The following PTPRN2 variants were observed in gnomAD, a reference collection of about 807,000 sequenced individuals.
The protein encoded by PTPRN2 is protein tyrosine phosphatase receptor type N2, also known as receptor-type tyrosine-protein phosphatase N2.
PTPRN2 carries 74 observed loss-of-function variants against 118.8 expected under a neutral mutation model. The observed-to-expected ratio is 0.62, with a 90% CI of 0.52 to 0.76. The LOEUF is 0.76. Among genes scored for constraint, PTPRN2 ranks in the 30% least tolerant of loss-of-function variants. PTPRN2 has a pLI of 0.00. For synonymous variants in PTPRN2, 641 were observed against 608.0 expected (o/e 1.05, Z -0.80); for missense variants, 1,481 against 1,394.4 (o/e 1.06, Z -0.99).
At chr7:158,216,209 A>G (rs1310287620) in intron 3 of PTPRN2, among the ~76,000 whole-genome samples, 1 of 152,206 alleles carries the variant, frequency 6.6e-6, no homozygotes, top group African/African-American at 2.4e-5. Context: ...AGAACAATAA[A>G]TAAAAGAAAG....
At chr7:157,943,499 C>T (rs1204854675) in intron 11 of PTPRN2, among the ~76,000 whole-genome samples, 1 of 152,124 alleles carries the variant, frequency 6.6e-6, no homozygotes, top group African/African-American at 2.4e-5. Flanking sequence ...CCCCCACCTC[C>T]GCCCCATCCC....
intron 2 of PTPRN2, among the ~76,000 whole-genome samples, chr7:158,404,091 C>G (rs1387587176): frequency 1.3e-5 from 2 of 152,190 alleles, no homozygotes; most frequent in Non-Finnish European, 2.9e-5. Context: ...AGCCTCTGGA[C>G]TTTCTATAAT....
intron 11 of PTPRN2, among the ~76,000 whole-genome samples, chr7:157,948,786 T>C (rs576340252): frequency 1.3e-5 from 2 of 152,332 alleles, no homozygotes; most frequent in African/African-American, 4.8e-5. Flanking sequence ...TAAATGCCCA[T>C]TGAAGTATTT....
chr7:158,330,796 C>G (rs1804216910), intron 2 of PTPRN2, among the ~76,000 whole-genome samples: 1 of 114,664 alleles, frequency 8.7e-6, no homozygotes. Flanking sequence ...CACACCCACA[C>G]TCTCACCATA....
rs142631022 is a variant in PTPRN2, at chr7:157,578,114, C to T, written c.2523G>A (p.Val841=). 6.2e-7 allele frequency: 1 copy of T among 1,612,642 alleles called. No individual in the cohort carries two copies. Among genetic ancestry groups the T allele is most frequent in the African/African-American group, 1.3e-5 (1 of 74,926 alleles). Residue 841 remains valine, a synonymous_variant, in exon 18 of 23, where the codon GTG becomes GTA. Coordinates refer to ENST00000389418, the MANE Select transcript of PTPRN2 (RefSeq NM_002847.5). ...CCGCGAGGGGTGTCAGCATGACGAT[C>T]ACCACGCAGCCGCTCTCCCACACCA... is the stretch of plus-strand genomic sequence containing the variant. ...WQMVWESGCV[V]IVMLTPLAEN...
chr7:158,576,067 T>C (rs1211093457), intron 1 of PTPRN2, among the ~76,000 whole-genome samples: 1 of 152,140 alleles, frequency 6.6e-6, no homozygotes, highest in African/African-American at 2.4e-5. Flanking sequence ...CCCCATTCCA[T>C]ATGCTGTCAA....
At position 158,440,558 on chromosome 7, in the gene PTPRN2, C is replaced by T. The variant is rs372094968; in HGVS notation, c.163+49177G>A. On this transcript the variant is annotated intron_variant, in intron 2 of 22. Coordinates refer to ENST00000389418, the MANE Select transcript of PTPRN2 (RefSeq NM_002847.5). ...ATGATGGTGGTGGTGGCAGTGGCGG[C>T]GGTGGTGGTGATAATGATAGTGGTA... is the stretch of plus-strand genomic sequence containing the variant. 3.3e-4 allele frequency among the ~76,000 whole-genome samples: 47 copies of T among 142,422 alleles called. No individual in the cohort carries two copies. In the East Asian group the frequency reaches 6.1e-3, roughly 18 times the overall value. 93.4% of individuals were successfully genotyped at this position (142,422 alleles called of 152,430 possible). A position where few individuals can be genotyped will look rare whatever the true frequency, so the allele number is the denominator to read the frequency against.
intron 2 of PTPRN2, among the ~76,000 whole-genome samples, chr7:158,402,278 G>A (rs1813003735): frequency 6.6e-6 from 1 of 152,126 alleles, no homozygotes. Flanking sequence ...ACGGCACTAG[G>A]AGGCACATGC....
intron 2 of PTPRN2, among the ~76,000 whole-genome samples, chr7:158,353,670 C>G (rs918713831): frequency 1.3e-5 from 2 of 152,172 alleles, no homozygotes; most frequent in African/African-American, 4.8e-5. Context: ...CCACCAGGAA[C>G]AGAAAAACCC....
chr7:157,944,339 G>T lies in PTPRN2; in HGVS notation c.1724-45602C>A, dbSNP rs1028644361. Among the ~76,000 whole-genome samples, 4 of 152,296 alleles carry T rather than the reference G, an allele frequency of 2.6e-5. No individual in the cohort carries two copies. In the East Asian group the frequency reaches 7.7e-4, roughly 29 times the overall value. On this transcript the variant is annotated intron_variant, in intron 11 of 22. Transcript: ENST00000389418. The surrounding 1 kb of genome is among the most constrained non-coding windows in gnomAD (Gnocchi z 4.3). ...CAGTGGAGCCCACCACCCAAGCGGG[G>T]GCGGTACCACTCCCACCACTGACTG...
At chr7:157,722,606 C>T (rs560340100) in intron 12 of PTPRN2, among the ~76,000 whole-genome samples, 2 of 152,278 alleles carry the variant, frequency 1.3e-5, no homozygotes, top group African/African-American at 4.8e-5. Context: ...TCCTGCGTGG[C>T]CCGAGTGTGG....
chr7:157,689,844 C>T (rs1232016034), intron 12 of PTPRN2, among the ~76,000 whole-genome samples: 1 of 151,996 alleles, frequency 6.6e-6, no homozygotes, highest in Non-Finnish European at 1.5e-5. Context: ...CCCTCGGTTC[C>T]CTGCAATTCG....
At chr7:158,270,781 C>CGG (rs1325901775) in intron 3 of PTPRN2, among the ~76,000 whole-genome samples, 2 of 115,224 alleles carry the variant, frequency 1.7e-5, no homozygotes, top group South Asian at 5.9e-4. Context: ...TCCACCTGGA[C>CGG]CACCCCTCCA....
intron 12 of PTPRN2, among the ~76,000 whole-genome samples, chr7:157,847,328 G>A (rs1271291244): frequency 6.9e-6 from 1 of 145,654 alleles, no homozygotes; most frequent in African/African-American, 2.6e-5. Flanking sequence ...GATGTTTACA[G>A]AGCCCTCTCT....
chr7:158,318,670 C>G (rs532565979), intron 2 of PTPRN2, among the ~76,000 whole-genome samples: 1 of 152,240 alleles, frequency 6.6e-6, no homozygotes, highest in Non-Finnish European at 1.5e-5. Flanking sequence ...AGAAGGAAGG[C>G]GCTCTCGGCC....
chr7:158,324,796 T>C lies in PTPRN2; in HGVS notation c.164-7864A>G, dbSNP rs546058302. ...ATAGCACTGACCCAGAACCATCCAATTGGAGCACCGGAAAGCTGTGGACCG... is the reference window on the plus strand; with the variant it reads ...ATAGCACTGACCCAGAACCATCCAACTGGAGCACCGGAAAGCTGTGGACCG... On this transcript the variant is annotated intron_variant, in intron 2 of 22. Transcript: ENST00000389418. Among the ~76,000 whole-genome samples, 6 of 152,110 alleles carry C rather than the reference T, an allele frequency of 3.9e-5. No individual in the cohort carries two copies. The South Asian group carries it at 1.0e-3, about 26-fold the overall frequency.
intron 3 of PTPRN2, among the ~76,000 whole-genome samples, chr7:158,228,034 C>T (rs995851564): frequency 6.6e-6 from 1 of 152,166 alleles, no homozygotes; most frequent in African/African-American, 2.4e-5. Flanking sequence ...GGAACCTATA[C>T]ATTCAAGACA....
intron 3 of PTPRN2, among the ~76,000 whole-genome samples, chr7:158,242,007 T>C (rs983337983): frequency 6.6e-6 from 1 of 152,206 alleles, no homozygotes; most frequent in Non-Finnish European, 1.5e-5. Context: ...TTGCTTTTGC[T>C]GTGGAGCCTT....
chr7:158,150,041 G>C (rs931422302), intron 6 of PTPRN2, among the ~76,000 whole-genome samples: 2 of 152,216 alleles, frequency 1.3e-5, no homozygotes, highest in African/African-American at 4.8e-5. Flanking sequence ...GTGGCATCAA[G>C]GGCATGAATG....
Sources: gnomAD v4.1 joint callset for allele counts (sites outside exome capture counted in the v4.1 genomes callset) on GRCh38, gnomAD v4.1.1 for gene constraint, Gnocchi (gnomAD v3.1) non-coding constraint, MANE v1.5 for transcripts, NCBI Gene and HGNC (gene_info 2026-07-23, HGNC 2026-07-21) for gene names.